SEC14L6: variants seen among roughly 807,000 people sequenced by gnomAD.
SEC14L6 encodes the protein SEC14-like protein 6.
In SEC14L6, 40 loss-of-function variants were observed where a neutral mutation model predicts 54.1. That is an observed-to-expected ratio of 0.74 (90% confidence interval 0.57 to 0.96). The LOEUF is 0.96. Ranked by LOEUF, SEC14L6 falls within the 40% of genes least tolerant of loss-of-function variation. The pLI is 0.00. For missense variants in SEC14L6, 471 were observed against 498.3 expected (o/e 0.95, Z 0.52); for synonymous variants, 171 against 198.4 (o/e 0.86, Z 1.16).
At chr22:30,543,683 T>C in intron 1 of SEC14L6, 2 of 1,611,566 alleles carry the variant, frequency 1.2e-6, no homozygotes, top group Non-Finnish European at 1.7e-6. Context: ...GAACAGAACA[T>C]CTATATTGTG....
chr22:30,542,889 C>G, intron 1 of SEC14L6: 1 of 1,601,160 alleles, frequency 6.2e-7, no homozygotes, highest in Non-Finnish European at 8.5e-7. Flanking sequence ...ACTTTTCCAT[C>G]TGCATCAGTA....
chr22:30,532,752 G>A (rs759827361), intron 4 of SEC14L6, 39 bp from the exon 5 acceptor site: 1 of 1,601,960 alleles, frequency 6.2e-7, no homozygotes, highest in South Asian at 1.1e-5. Context: ...CAGTGCCGAG[G>A]GCTGAGGGCC....
chr22:30,536,387 GA>G (rs1374748333), intron 2 of SEC14L6, among the ~76,000 whole-genome samples: 1 of 151,914 alleles, frequency 6.6e-6, no homozygotes, highest in East Asian at 1.9e-4. Context: ...CACCCCCTAC[GA>G]ACCCCCCAGG....
chr22:30,531,968 T>C lies in SEC14L6; in HGVS notation c.454A>G (p.Ile152Val). ...LGKRVEKIIA[I>V]FGLEGLGLRD... ...AGGCCCAGCCCTTCGAGACCAAAAA[T>C]AGCTATGATTTTCTCCACCCTCTTC... Residue 152 changes from isoleucine (I) to valine (V), a missense_variant, in exon 6 of 12, where the codon ATT becomes GTT. Transcript: ENST00000402034. 4 of 1,550,720 alleles carry C rather than the reference T, an allele frequency of 2.6e-6. No individual in the cohort carries two copies. The highest frequency in any genetic ancestry group is 1.4e-5 in the African/African-American group (1 of 73,132).
In SEC14L6 at chr22:30,532,805, G is replaced by A. The variant is rs781410023; in HGVS notation, c.226C>T (p.Pro76Ser). 1 of 1,613,460 alleles carries A rather than the reference G, an allele frequency of 6.2e-7. No individual in the cohort carries two copies. The highest frequency in any genetic ancestry group is 1.3e-5 in the African/African-American group (1 of 75,036). The stretch of plus-strand genomic sequence containing the variant: ...GTTTGAGAGATGCTCACCTCTGGGG[G>A]CTGCCAGGCAAGGATGTTGGCCAGG... ...QDLANILAWQPPEVVRLYNAN... is the reference protein window; with the variant it reads ...QDLANILAWQSPEVVRLYNAN... Residue 76 changes from proline (P) to serine (S), a missense_variant, in exon 4 of 12, where the codon CCC becomes TCC. Physicochemically the swap from Pro to Ser is moderately conservative, Grantham distance 74 (BLOSUM62 -1). Transcript: ENST00000402034.
intron 1 of SEC14L6, among the ~76,000 whole-genome samples, chr22:30,539,659 C>G (rs2085665204): frequency 6.6e-6 from 1 of 152,232 alleles, no homozygotes; most frequent in Admixed American, 6.5e-5. Flanking sequence ...TAATTGAGAT[C>G]TTTAAACTGA....
chr22:30,534,793 G>A (rs1322975332), intron 2 of SEC14L6, among the ~76,000 whole-genome samples: 2 of 152,130 alleles, frequency 1.3e-5, no homozygotes, highest in Non-Finnish European at 2.9e-5. Flanking sequence ...TGGAGGCCAA[G>A]GTGGGCAGAT....
chr22:30,527,143 T>A (rs558610908), intron 8 of SEC14L6, among the ~76,000 whole-genome samples: 4 of 151,378 alleles, frequency 2.6e-5, no homozygotes, highest in Admixed American at 2.6e-4. Flanking sequence ...ATATCTCAAA[T>A]ATATACATAT....
intron 3 of SEC14L6, chr22:30,533,304 G>C (rs1937044278): frequency 4.3e-6 from 1 of 229,938 alleles, no homozygotes; most frequent in South Asian, 1.6e-4. Flanking sequence ...TGTGCTCCTA[G>C]AATATACCAG....
chr22:30,539,008 C>A (rs1029452615), intron 1 of SEC14L6, 106 bp from the exon 2 acceptor site: 1 of 742,218 alleles, frequency 1.3e-6, no homozygotes, highest in Admixed American at 2.3e-5. Context: ...AGGTCCCACT[C>A]GGGCTGGGAG....
At chr22:30,544,210 G>C in intron 1 of SEC14L6, 1 of 649,214 alleles carries the variant, frequency 1.5e-6, no homozygotes, top group Non-Finnish European at 2.6e-6. Flanking sequence ...GGACCCAGGG[G>C]CCAGGGTGGC....
intron 2 of SEC14L6, among the ~76,000 whole-genome samples, chr22:30,535,260 T>C (rs1473532871): frequency 6.6e-6 from 1 of 152,250 alleles, no homozygotes; most frequent in Non-Finnish European, 1.5e-5. Flanking sequence ...AGCAGTCCTC[T>C]GCCCTGAGCC....
At chr22:30,543,184 T>C (rs564345984) in intron 1 of SEC14L6, 5 of 1,603,220 alleles carry the variant, frequency 3.1e-6, no homozygotes, top group Admixed American at 3.3e-5. Context: ...AGAGAGCGTG[T>C]CCTACAGCAT....
At chr22:30,533,856 G>A (rs1270324446) in intron 3 of SEC14L6, 140 bp downstream of exon 3, 1 of 782,708 alleles carries the variant, frequency 1.3e-6, no homozygotes. Context: ...CCTAGCACCA[G>A]GCCAGGTTTA....
chr22:30,543,732 G>T (rs1056630319), intron 1 of SEC14L6: 169 of 1,592,214 alleles, frequency 1.1e-4, no homozygotes, highest in Non-Finnish European at 1.3e-4. Context: ...CCCTACTGAT[G>T]GAGGCTCTCT....
At chr22:30,534,140 T>C (rs1937071300) in intron 2 of SEC14L6, 101 bp from the exon 3 acceptor site, 3 of 1,128,054 alleles carry the variant, frequency 2.7e-6, no homozygotes, top group Admixed American at 4.4e-5. Context: ...CAGCTTTGTC[T>C]CCTGTTACCC....
chr22:30,543,529 T>TCTG, intron 1 of SEC14L6: 1 of 1,613,296 alleles, frequency 6.2e-7, no homozygotes, highest in Non-Finnish European at 8.5e-7. Flanking sequence ...GGTGAATGTA[T>TCTG]CTGCCCACAG....
intron 6 of SEC14L6, among the ~76,000 whole-genome samples, chr22:30,531,493 G>A (rs143602725): frequency 1.3e-5 from 2 of 152,284 alleles, no homozygotes; most frequent in African/African-American, 2.4e-5. Context: ...GGGAGGCCAA[G>A]GCGGGCAGAT....
intron 1 of SEC14L6, among the ~76,000 whole-genome samples, chr22:30,544,600 G>T (rs1474956442): frequency 1.3e-5 from 2 of 152,118 alleles, no homozygotes; most frequent in Admixed American, 6.5e-5. Flanking sequence ...GACCTGGTGA[G>T]GTTGCTGCCA....
Sources: allele counts gnomAD v4.1 joint callset (sites outside exome capture counted in the v4.1 genomes callset), GRCh38; gene constraint gnomAD v4.1.1; transcripts MANE v1.5; gene names NCBI Gene and HGNC (gene_info 2026-07-23, HGNC 2026-07-21).